The following SPIDR variants were observed in gnomAD, a reference collection of about 807,000 sequenced individuals.
SPIDR encodes the protein scaffold protein involved in DNA repair.
A neutral mutation model predicts 104.6 loss-of-function variants in SPIDR; 93 were observed. The ratio of observed to expected loss-of-function variants is 0.89; its 90% CI spans 0.75 to 1.06. The LOEUF (loss-of-function observed/expected upper bound fraction) is 1.06, where lower values mean the gene tolerates loss of function less well. SPIDR is among the 50% of genes least tolerant of loss of function. The probability of loss-of-function intolerance (pLI) is 0.00; values close to 1 mark genes in which losing one functional copy is unlikely to be tolerated. For synonymous variants in SPIDR, 431 were observed against 416.9 expected (o/e 1.03, Z -0.41); for missense variants, 1,154 against 1,111.2 (o/e 1.04, Z -0.55).
At chr8:47,301,475 G>T (rs1470454103) in intron 5 of SPIDR, among the ~76,000 whole-genome samples, 5 of 152,106 alleles carry the variant, frequency 3.3e-5, no homozygotes, top group Non-Finnish European at 7.3e-5. Flanking sequence ...GTGTGAATTT[G>T]ATCCTGTCAT....
intron 8 of SPIDR, among the ~76,000 whole-genome samples, chr8:47,452,581 C>T (rs1158017927): frequency 1.3e-5 from 2 of 152,118 alleles, no homozygotes; most frequent in Non-Finnish European, 2.9e-5. Flanking sequence ...TAAACGTAAT[C>T]CAGCATATAA....
At chr8:47,575,915 G>A (rs568362779) in intron 8 of SPIDR, among the ~76,000 whole-genome samples, 15 of 150,328 alleles carry the variant, frequency 1.0e-4, no homozygotes, top group African/African-American at 1.5e-4. Context: ...AGCCGAGATC[G>A]CGCCACTGCT....
chr8:47,616,732 C>T (rs926194742), intron 10 of SPIDR, among the ~76,000 whole-genome samples: 5 of 152,222 alleles, frequency 3.3e-5, no homozygotes, highest in Non-Finnish European at 7.3e-5. Flanking sequence ...AGTGTTCCCA[C>T]GTACTCCATA....
intron 16 of SPIDR, among the ~76,000 whole-genome samples, chr8:47,719,045 G>C (rs986840771): frequency 4.6e-5 from 7 of 152,116 alleles, no homozygotes; most frequent in Non-Finnish European, 1.5e-5. Flanking sequence ...TGGGTACTGG[G>C]GGAGGTGGCC....
chr8:47,458,392 TGCAGCTA>T (rs2073386267), intron 8 of SPIDR, among the ~76,000 whole-genome samples: 1 of 142,594 alleles, frequency 7.0e-6, no homozygotes. Context: ...TTTATTTTAT[TGCAGCTA>T]TTATAAAAGG....
chr8:47,393,699 T>G lies in SPIDR; in HGVS notation c.526-2677T>G, dbSNP rs2060891855. Among the ~76,000 whole-genome samples, 4 of 144,566 alleles carry G rather than the reference T, an allele frequency of 2.8e-5. No individual in the cohort carries two copies. The South Asian group carries it at 9.3e-4, about 33-fold the overall frequency. 94.8% of individuals were successfully genotyped at this position (144,566 alleles called of 152,430 possible). The stretch of plus-strand genomic sequence containing the variant: ...TTTCCTTTCCTTTCCTTTCCTTTCC[T>G]TTCCTTTCCTTTCCTTTCCTTTCCT... On this transcript the variant is annotated intron_variant, in intron 5 of 19. Transcript: ENST00000297423.
chr8:47,710,490 C>CG (rs2081701715), intron 14 of SPIDR, among the ~76,000 whole-genome samples: 1 of 146,304 alleles, frequency 6.8e-6, no homozygotes, highest in Non-Finnish European at 1.5e-5. Flanking sequence ...TTTTTTGAGA[C>CG]GGAGTTTCGC....
chr8:47,411,830 T>C (rs1461037021), intron 7 of SPIDR, among the ~76,000 whole-genome samples: 5 of 152,360 alleles, frequency 3.3e-5, no homozygotes, highest in Admixed American at 3.3e-4. Flanking sequence ...TTAATTTTTG[T>C]ATAAGGTGTA....
At position 47,352,278 on chromosome 8, in the gene SPIDR, C is replaced by CAAA. The variant is rs35556300; in HGVS notation, c.526-44086_526-44084dup. 4.6e-5 allele frequency among the ~76,000 whole-genome samples: 6 copies of CAAA among 130,860 alleles called. No homozygotes were observed. In the East Asian group the frequency reaches 6.3e-4, roughly 14 times the overall value. 85.8% of individuals were successfully genotyped at this position (130,860 alleles called of 152,430 possible). A position where few individuals can be genotyped will look rare whatever the true frequency, so the allele number is the denominator to read the frequency against. On this transcript the variant is annotated intron_variant, in intron 5 of 19. Transcript: ENST00000297423. The stretch of plus-strand genomic sequence containing the variant: ...GTGACAGAGCCAGACTCCATCTCAA[C>CAAA]AAAAAAAAAAAAAAGAAAGAAAGAA...
intron 10 of SPIDR, among the ~76,000 whole-genome samples, chr8:47,668,532 AAAAACC>A (rs1011851009): frequency 3.3e-5 from 5 of 152,190 alleles, no homozygotes; most frequent in Admixed American, 6.5e-5. Flanking sequence ...GACATCTACA[AAAAACC>A]AAAAATGAAA....
intron 14 of SPIDR, among the ~76,000 whole-genome samples, chr8:47,706,999 T>C (rs904526615): frequency 6.6e-5 from 10 of 152,112 alleles, no homozygotes; most frequent in African/African-American, 2.2e-4. Context: ...ACACCTGTAA[T>C]ACCAGCACTT....
chr8:47,561,248 A>T (rs2057035855), intron 8 of SPIDR, among the ~76,000 whole-genome samples: 1 of 152,260 alleles, frequency 6.6e-6, no homozygotes, highest in Non-Finnish European at 1.5e-5. Flanking sequence ...GTGTGGCAGC[A>T]TAGCAGGTAG....
intron 10 of SPIDR, among the ~76,000 whole-genome samples, chr8:47,634,080 G>A (rs1220639566): frequency 6.7e-6 from 1 of 148,912 alleles, no homozygotes; most frequent in African/African-American, 2.5e-5. Flanking sequence ...GCGTGACAGA[G>A]TAAGACCCTG....
At chr8:47,550,831 A>T (rs1444209988) in intron 8 of SPIDR, among the ~76,000 whole-genome samples, 1 of 151,632 alleles carries the variant, frequency 6.6e-6, no homozygotes, top group Non-Finnish European at 1.5e-5. Flanking sequence ...GAAGGAGGGC[A>T]TCCCTGTCTT....
chr8:47,387,186 C>A (rs1272027894), intron 5 of SPIDR, among the ~76,000 whole-genome samples: 1 of 152,066 alleles, frequency 6.6e-6, no homozygotes, highest in Non-Finnish European at 1.5e-5. Flanking sequence ...AGTGTAGAAA[C>A]CTGAAAGCAC....
intron 1 of SPIDR, among the ~76,000 whole-genome samples, chr8:47,273,729 G>A (rs1405551090): frequency 2.0e-5 from 3 of 152,000 alleles, no homozygotes; most frequent in African/African-American, 7.3e-5. Flanking sequence ...GAGCAGCTGG[G>A]ACCACAGGTT....
rs192676395 is a variant in SPIDR at position 47,402,473 on chromosome 8, A to G, written c.777-5388A>G. On this transcript the variant is annotated intron_variant, in intron 6 of 19. Coordinates refer to ENST00000297423, the MANE Select transcript of SPIDR (RefSeq NM_001080394.4). Reference sequence around the variant, plus strand: ...ACTGCTAGCAGGACTAATAAAGAAGAAAAGAGAGAAGAATCAAATAGACAC... The same window carrying G: ...ACTGCTAGCAGGACTAATAAAGAAGGAAAGAGAGAAGAATCAAATAGACAC... Among the ~76,000 whole-genome samples the G allele has an allele frequency of 3.8e-3, 579 of 152,324 alleles. 3 individuals carry two copies. Among genetic ancestry groups the G allele is most frequent in the African/African-American group, 0.013 (541 of 41,564 alleles).
At chr8:47,658,688 A>T (rs1173032137) in intron 10 of SPIDR, among the ~76,000 whole-genome samples, 1 of 151,786 alleles carries the variant, frequency 6.6e-6, no homozygotes, top group Non-Finnish European at 1.5e-5. Context: ...TAATCCCAGC[A>T]CTTTGGGAGG....
intron 7 of SPIDR, among the ~76,000 whole-genome samples, chr8:47,420,756 T>C (rs1554679669): frequency 1.3e-5 from 2 of 152,198 alleles, no homozygotes; most frequent in Non-Finnish European, 2.9e-5. Context: ...CTGGTACCAG[T>C]TATTCCTTTT....
Sources: gnomAD v4.1 joint callset for allele counts (sites outside exome capture counted in the v4.1 genomes callset) on GRCh38, gnomAD v4.1.1 for gene constraint, MANE v1.5 for transcripts, NCBI Gene and HGNC (gene_info 2026-07-23, HGNC 2026-07-21) for gene names.